Variants in ABHD17B observed in about 807,000 individuals in gnomAD.
ABHD17B encodes the protein alpha/beta hydrolase domain-containing protein 17B.
A neutral mutation model predicts 26.2 loss-of-function variants in ABHD17B; 9 were observed. The ratio of observed to expected loss-of-function variants is 0.34; its 90% confidence interval spans 0.21 to 0.60. ABHD17B has a LOEUF of 0.60. Ranked by LOEUF, ABHD17B falls within the 20% of genes least tolerant of loss-of-function variation. The pLI is 0.80. For synonymous variants in ABHD17B, 127 were observed against 122.3 expected (o/e 1.04, Z -0.25); for missense variants, 224 against 352.1 (o/e 0.64, Z 2.91).
chr9:71,873,696 AT>A (rs1021785792), intron 2 of ABHD17B, among the ~76,000 whole-genome samples: 13 of 145,972 alleles, frequency 8.9e-5, no homozygotes, highest in Admixed American at 2.7e-4. Context: ...GCGCCCAGAC[AT>A]TTTTTTTTTG....
At chr9:71,892,605 G>A (rs1294484664) in intron 1 of ABHD17B, among the ~76,000 whole-genome samples, 1 of 149,534 alleles carries the variant, frequency 6.7e-6, no homozygotes, top group Non-Finnish European at 1.5e-5. Flanking sequence ...CCAAAATTTA[G>A]TTAATATAAA....
intron 2 of ABHD17B, 90 bp downstream of exon 2, chr9:71,874,510 TATAGCAGTTATGTA>T: frequency 1.2e-6 from 1 of 835,580 alleles, no homozygotes; most frequent in Non-Finnish European, 1.8e-6. Flanking sequence ...ATAACCTCTA[TATAGCAGTTATGTA>T]TAATAAAAAC....
Position 71,870,135 on chromosome 9 carries a change from G to A in ABHD17B, c.595C>T (p.Arg199Ter). ...TTCTTGGTATCAGGAAAGGCAACTC[G>A]CATTCCCGAAGTCAGAGGAGAATGA... ...ILHSPLTSGMRVAFPDTKKTY... is the reference protein window; with the variant it reads ...ILHSPLTSGM Residue 199 changes from arginine to a stop codon, truncating the protein, a stop_gained, in exon 3 of 4, where the codon CGA becomes TGA. Coordinates refer to ENST00000333421, the MANE Select transcript of ABHD17B (RefSeq NM_001025780.3). LOFTEE classifies it high-confidence loss of function. 1.2e-6 allele frequency: 2 copies of A among 1,613,770 alleles called. No individual in the cohort carries two copies. Among genetic ancestry groups the A allele is most frequent in the Non-Finnish European group, 1.7e-6 (2 of 1,179,870 alleles).
rs535286016 is a variant in ABHD17B, at chr9:71,910,055, A to G, written c.-4+579T>C. On this transcript the variant is annotated intron_variant, in intron 1 of 3. Transcript: ENST00000333421. ...AGCCTACCTTAGAGTTCGAAAACAA[A>G]TAAGATTAAAGCCCAACCATCTAAA... 5.3e-5 allele frequency among the ~76,000 whole-genome samples: 8 copies of G among 152,314 alleles called. No homozygotes were observed. The East Asian group carries it at 7.7e-4, about 15-fold the overall frequency.
chr9:71,881,672 G>C (rs1351202597), intron 1 of ABHD17B, among the ~76,000 whole-genome samples: 1 of 152,186 alleles, frequency 6.6e-6, no homozygotes, highest in African/African-American at 2.4e-5. Context: ...CGGATCATGA[G>C]GTCAGGAGAT....
At chr9:71,905,929 C>T (rs1827268316) in intron 1 of ABHD17B, among the ~76,000 whole-genome samples, 1 of 152,066 alleles carries the variant, frequency 6.6e-6, no homozygotes, top group Admixed American at 6.6e-5. Flanking sequence ...TGCCTGTAGT[C>T]CCAGCCACTC....
At chr9:71,862,595 T>A (rs762809626), downstream of ABHD17B, 1 of 1,367,234 alleles carries the variant, frequency 7.3e-7, no homozygotes, top group African/African-American at 1.4e-5. Context: ...TTCCCTTCTT[T>A]ATGTTTCTGC....
At chr9:71,865,109 A>T, downstream of ABHD17B, 1 of 962,942 alleles carries the variant, frequency 1.0e-6, no homozygotes, top group Non-Finnish European at 1.2e-6. Flanking sequence ...CACTCTTTCT[A>T]GTGTGGGGGT....
intron 1 of ABHD17B, among the ~76,000 whole-genome samples, chr9:71,901,579 C>CT (rs958346248): frequency 6.6e-6 from 1 of 152,032 alleles, no homozygotes; most frequent in Admixed American, 6.6e-5. Context: ...AAACCTAATG[C>CT]TTTAACTACC....
rs549442319 is a variant in ABHD17B at position 71,905,879 on chromosome 9, T to C, written c.-4+4755A>G. 3.9e-5 allele frequency among the ~76,000 whole-genome samples: 6 copies of C among 151,988 alleles called. No homozygotes were observed. In the South Asian group the frequency reaches 8.3e-4, roughly 21 times the overall value. The stretch of plus-strand genomic sequence containing the variant: ...GCCAACATGGTGAAATCCTTGTCTC[T>C]ACAAAAAAAATACAAAAATTAGCTG... On this transcript the variant is annotated intron_variant, in intron 1 of 3. Coordinates refer to ENST00000333421, the MANE Select transcript of ABHD17B (RefSeq NM_001025780.3).
In ABHD17B at chr9:71,865,281, T is replaced by A; in HGVS notation, c.*1506A>T. On this transcript the variant is annotated 3_prime_UTR_variant, in exon 4 of 4. Coordinates refer to ENST00000333421, the MANE Select transcript of ABHD17B (RefSeq NM_001025780.3). ...ATAACCACGGAACGAGCAGAACAATTAAAACTACATAAGGCCTTAAAATAT... is the reference window on the plus strand; with the variant it reads ...ATAACCACGGAACGAGCAGAACAATAAAAACTACATAAGGCCTTAAAATAT... 2.0e-6 allele frequency: 2 copies of A among 985,696 alleles called. No homozygotes were observed. The highest frequency in any genetic ancestry group is 2.4e-6 in the Non-Finnish European group (2 of 829,804). The allele number at this position is 985,696 out of a possible 1,614,324, so 61.1% of individuals were successfully genotyped here.
At chr9:71,864,540 C>T (rs1825904331), downstream of ABHD17B, among the ~76,000 whole-genome samples, 1 of 151,954 alleles carries the variant, frequency 6.6e-6, no homozygotes, top group Non-Finnish European at 1.5e-5. Flanking sequence ...TTTAACTGCA[C>T]CTTCCTTCCT....
intron 1 of ABHD17B, among the ~76,000 whole-genome samples, chr9:71,897,510 T>C (rs543093358): frequency 4.5e-4 from 69 of 152,296 alleles, no homozygotes; most frequent in African/African-American, 1.6e-3. Context: ...GGGAAGACCC[T>C]GTCTCAAAAA....
At chr9:71,887,325 G>A (rs955121896) in intron 1 of ABHD17B, among the ~76,000 whole-genome samples, 1 of 152,172 alleles carries the variant, frequency 6.6e-6, no homozygotes, top group Non-Finnish European at 1.5e-5. Context: ...CAGAAATGAA[G>A]ATGTTAGATC....
rs369334690 is a variant in ABHD17B at position 71,866,902 on chromosome 9, T to C, written c.752A>G (p.Gln251Arg). 4.0e-5 allele frequency: 64 copies of C among 1,614,092 alleles called. No homozygotes were observed. Among genetic ancestry groups the C allele is most frequent in the Non-Finnish European group, 5.2e-5 (61 of 1,180,054 alleles). The change falls in exon 4 of 4, where the codon CAA becomes CGA. Residue 251 changes from glutamine (Q) to arginine (R), a missense_variant. By Grantham distance (43) the Gln-to-Arg change is conservative. Coordinates refer to ENST00000333421, the MANE Select transcript of ABHD17B (RefSeq NM_001025780.3). ...SHGLALFERC[Q>R]RPVEPLWVEG... ...AACCCAGAGAGGCTCCACAGGTCTT[T>C]GGCAACGTTCAAACAATGCGAGGCC...
At chr9:71,864,625 T>C (rs1239598529), downstream of ABHD17B, among the ~76,000 whole-genome samples, 1 of 152,140 alleles carries the variant, frequency 6.6e-6, no homozygotes, top group South Asian at 2.1e-4. Context: ...ACCCAATTCT[T>C]AGTTATCCTT....
At chr9:71,885,277 T>G (rs192220349) in intron 1 of ABHD17B, among the ~76,000 whole-genome samples, 1 of 151,940 alleles carries the variant, frequency 6.6e-6, no homozygotes, top group Admixed American at 6.6e-5. Flanking sequence ...AAACCCCATC[T>G]CTACTAAAAA....
At chr9:71,895,139 C>A (rs1303427539) in intron 1 of ABHD17B, among the ~76,000 whole-genome samples, 1 of 152,182 alleles carries the variant, frequency 6.6e-6, no homozygotes, top group Admixed American at 6.5e-5. Flanking sequence ...TGTTAATTTA[C>A]CAAAACACAC....
intron 1 of ABHD17B, among the ~76,000 whole-genome samples, chr9:71,908,637 C>T (rs1030417151): frequency 6.6e-6 from 1 of 152,094 alleles, no homozygotes; most frequent in African/African-American, 2.4e-5. Flanking sequence ...ATCTTAACAC[C>T]AATCTTAATA....
Sources: gnomAD v4.1 joint callset for allele counts (sites outside exome capture counted in the v4.1 genomes callset) on GRCh38, gnomAD v4.1.1 for gene constraint, MANE v1.5 for transcripts, NCBI Gene and HGNC (gene_info 2026-07-23, HGNC 2026-07-21) for gene names.